The following GGA2 variants were observed in gnomAD, a reference collection of about 807,000 sequenced individuals.
GGA2 encodes the protein golgi associated, gamma adaptin ear containing, ARF binding protein 2.
A neutral mutation model predicts 79.5 loss-of-function variants in GGA2; 48 were observed. The ratio of observed to expected loss-of-function variants is 0.60; its 90% CI spans 0.48 to 0.77. The LOEUF (loss-of-function observed/expected upper bound fraction) is 0.77. Ranked by LOEUF, GGA2 falls within the 30% of genes least tolerant of loss-of-function variation. The pLI, the probability that GGA2 is intolerant of heterozygous loss-of-function variation, is 0.00. For synonymous variants in GGA2, 317 were observed against 302.0 expected, an observed-to-expected ratio of 1.05 and a Z score of -0.51; for missense variants, 770 against 774.0, an observed-to-expected ratio of 0.99 and a Z score of 0.06.
At chr16:23,501,114 G>A (rs1964917139) in intron 1 of GGA2, 1 of 392,584 alleles carries the variant, frequency 2.5e-6, no homozygotes, top group African/African-American at 2.1e-5. Flanking sequence ...ACTTTCACAA[G>A]AGAAGGTTCC....
chr16:23,473,197 A>ACACTGTGGTATC, intron 14 of GGA2, among the ~76,000 whole-genome samples: 1 of 152,120 alleles, frequency 6.6e-6, no homozygotes, highest in East Asian at 1.9e-4. Context: ...CATTCTATAC[A>ACACTGTGGTATC]CACTGTGGTA....
chr16:23,473,681 T>A (rs1311279678), intron 14 of GGA2, among the ~76,000 whole-genome samples: 1 of 152,172 alleles, frequency 6.6e-6, no homozygotes, highest in East Asian at 1.9e-4. Flanking sequence ...TGTTTTTAAC[T>A]TTTTTATTTT....
At chr16:23,496,384 C>T (rs1004272658) in intron 1 of GGA2, among the ~76,000 whole-genome samples, 3 of 151,946 alleles carry the variant, frequency 2.0e-5, no homozygotes, top group South Asian at 2.1e-4. Context: ...GAGGTTGGCC[C>T]GGGTGTTGGC....
intron 6 of GGA2, among the ~76,000 whole-genome samples, 189 bp from the exon 7 acceptor site, chr16:23,486,979 C>CTGT (rs1029961936): frequency 6.7e-5 from 6 of 89,898 alleles, no homozygotes; most frequent in Admixed American, 1.3e-4. Context: ...GTTTTCTTTT[C>CTGT]TGTTGTTTTT....
intron 1 of GGA2, among the ~76,000 whole-genome samples, chr16:23,510,106 G>A (rs1337547079): frequency 7.0e-6 from 1 of 142,640 alleles, no homozygotes; most frequent in Admixed American, 7.0e-5. Context: ...AGGGGGAGGG[G>A]CAGAGCTCAG....
chr16:23,478,289 A>G, intron 13 of GGA2, 79 bp downstream of exon 13: 3 of 1,122,120 alleles, frequency 2.7e-6, no homozygotes, highest in Non-Finnish European at 3.8e-6. Context: ...TTAGAGCACC[A>G]TTCTCTGGCC....
Position 23,510,343 on chromosome 16 carries a change from T to C in GGA2, c.69A>G (p.Ala23=). ...CACTGAGCCACAGCTCCAGCGACGCTGCCGGGCCCGGGGGACCCTGGGCCG... is the reference window on the plus strand; with the variant it reads ...CACTGAGCCACAGCTCCAGCGACGCCGCCGGGCCCGGGGGACCCTGGGCCG... ...TESAQGPPGP[A]ASLELWLNKA... is the part of the protein sequence containing the mutation. Residue 23 remains alanine, a synonymous_variant, in exon 1 of 17, where the codon GCA becomes GCG. Coordinates refer to ENST00000309859, the MANE Select transcript of GGA2 (RefSeq NM_015044.4). 7.0e-7 allele frequency: 1 copy of C among 1,435,198 alleles called. No individual in the cohort carries two copies. The highest frequency in any genetic ancestry group is 9.1e-7 in the Non-Finnish European group (1 of 1,095,096). The allele number at this position is 1,435,198 out of a possible 1,614,324, so 88.9% of individuals were successfully genotyped here. A position where few individuals can be genotyped will look rare whatever the true frequency, so the allele number is the denominator to read the frequency against.
At chr16:23,487,260 G>T (rs1050803250) in intron 6 of GGA2, among the ~76,000 whole-genome samples, 1 of 152,180 alleles carries the variant, frequency 6.6e-6, no homozygotes, top group African/African-American at 2.4e-5. Context: ...GATTACAGGC[G>T]TAAGCCAGCG....
At chr16:23,514,427 A>T (rs537957516), upstream of GGA2, among the ~76,000 whole-genome samples, 3 of 151,988 alleles carry the variant, frequency 2.0e-5, no homozygotes, top group East Asian at 5.8e-4. Context: ...TTAATTAAAT[A>T]AATCTGTTAT....
intron 13 of GGA2, among the ~76,000 whole-genome samples, chr16:23,475,967 G>A (rs571779486): frequency 6.6e-6 from 1 of 151,290 alleles, no homozygotes; most frequent in East Asian, 1.9e-4. Context: ...CACTTAAAAT[G>A]TCCACACATA....
Position 23,474,886 on chromosome 16 carries a change from G to C in GGA2, c.1450+18C>G, listed in dbSNP as rs1964557257. 1.9e-6 allele frequency: 3 copies of C among 1,570,924 alleles called. No homozygotes were observed. The highest frequency in any genetic ancestry group is 4.5e-5 in the East Asian group (2 of 44,680). On this transcript the variant is annotated intron_variant, in intron 14 of 16. Transcript: ENST00000309859. ...CCAGGGAAAAAAAAAAAAAGGTGGG[G>C]AGTGAAATTGTACTTACTGGGCTTA... is the stretch of plus-strand genomic sequence containing the variant.
upstream of GGA2, among the ~76,000 whole-genome samples, chr16:23,512,033 T>C (rs1567373090): frequency 6.6e-6 from 1 of 152,158 alleles, no homozygotes; most frequent in Non-Finnish European, 1.5e-5. Flanking sequence ...ACCTGGAAGG[T>C]TGTGCTGTCT....
Position 23,510,249 on chromosome 16 carries a change from G to A in GGA2, c.91+72C>T, listed in dbSNP as rs1281269370. On this transcript the variant is annotated intron_variant, in intron 1 of 16. Coordinates refer to ENST00000309859, the MANE Select transcript of GGA2 (RefSeq NM_015044.4). ...CTGCGGCCGCCCGCCCCGAAGCAAG[G>A]CCCCGGGAGGCGGGAAGCGAGGCCT... 1.1e-5 allele frequency: 11 copies of A among 1,013,158 alleles called. No individual in the cohort carries two copies. In the South Asian group the frequency reaches 1.9e-4, roughly 17 times the overall value. 62.8% of individuals were successfully genotyped at this position (1,013,158 alleles called of 1,614,324 possible). A position where few individuals can be genotyped will look rare whatever the true frequency, so the allele number is the denominator to read the frequency against.
At chr16:23,503,918 C>T (rs141920722) in intron 1 of GGA2, among the ~76,000 whole-genome samples, 168 of 152,202 alleles carry the variant, frequency 1.1e-3, no homozygotes, top group Non-Finnish European at 1.6e-3. Flanking sequence ...CCCGTCTCTA[C>T]TAAAAATACA....
At position 23,478,899 on chromosome 16, in the gene GGA2, G is replaced by T; in HGVS notation, c.1142C>A (p.Ala381Asp). The T allele has an allele frequency of 6.2e-7, 1 of 1,604,666 alleles. No individual in the cohort carries two copies. Among genetic ancestry groups the T allele is most frequent in the Non-Finnish European group, 8.5e-7 (1 of 1,171,780 alleles). The change falls in exon 12 of 17, where the codon GCT becomes GAT. Residue 381 changes from alanine (A) to aspartate (D), a missense_variant. Transcript: ENST00000309859. ...QDLAALGISDAPVTGMVSGQN... is the reference protein window; with the variant it reads ...QDLAALGISDDPVTGMVSGQN... ...CATCCTTACCATGCCTGTAACAGGAGCATCACTGATTCCTGTAAGAAAGGA... is the reference window on the plus strand; with the variant it reads ...CATCCTTACCATGCCTGTAACAGGATCATCACTGATTCCTGTAAGAAAGGA...
At position 23,504,589 on chromosome 16, in the gene GGA2, C is replaced by A. The variant is rs147529603; in HGVS notation, c.91+5732G>T. 6.6e-4 allele frequency among the ~76,000 whole-genome samples: 101 copies of A among 152,286 alleles called. 1 individual carries two copies. In the Middle Eastern group the frequency reaches 0.02, roughly 31 times the overall value. On this transcript the variant is annotated intron_variant, in intron 1 of 16. Coordinates refer to ENST00000309859, the MANE Select transcript of GGA2 (RefSeq NM_015044.4). Reference sequence around the variant, plus strand: ...ACTATTTCAGAAGACTTGAGCAGCTCCAAAAAATGACCCCCAGGGGGCCAG... The same window carrying A: ...ACTATTTCAGAAGACTTGAGCAGCTACAAAAAATGACCCCCAGGGGGCCAG...
intron 15 of GGA2, chr16:23,469,526 ATGT>A (rs1326227301): frequency 6.3e-6 from 1 of 158,588 alleles, no homozygotes; most frequent in African/African-American, 2.4e-5. Flanking sequence ...AAAGGGATGG[ATGT>A]TATCTCACAT....
chr16:23,506,102 G>A (rs571908012), intron 1 of GGA2, among the ~76,000 whole-genome samples: 1 of 152,112 alleles, frequency 6.6e-6, no homozygotes, highest in Non-Finnish European at 1.5e-5. Flanking sequence ...ACCCTAAGAA[G>A]AGGTTTTATT....
At chr16:23,468,681 C>T (rs540425890) in intron 16 of GGA2, among the ~76,000 whole-genome samples, 3 of 151,830 alleles carry the variant, frequency 2.0e-5, no homozygotes, top group East Asian at 1.9e-4. Flanking sequence ...ACCATGTTGG[C>T]CAGGCTGGTC....
Sources: allele counts gnomAD v4.1 joint callset (sites outside exome capture counted in the v4.1 genomes callset), GRCh38; gene constraint gnomAD v4.1.1; transcripts MANE v1.5; gene names NCBI Gene and HGNC (gene_info 2026-07-23, HGNC 2026-07-21).